RABL3: variants seen among roughly 807,000 people sequenced by gnomAD.
The protein encoded by RABL3 is RAB, member of RAS oncogene family like 3.
Under a neutral mutation model 31.8 loss-of-function variants are expected in RABL3, and 31 were observed. The ratio of observed to expected loss-of-function variants is 0.97; its 90% confidence interval spans 0.73 to 1.31. The LOEUF is 1.31. Ranked by LOEUF, RABL3 falls within the 40% of genes most tolerant of loss-of-function variation. The probability of loss-of-function intolerance (pLI) is 0.00; values close to 1 mark genes in which losing one functional copy is unlikely to be tolerated. For missense variants in RABL3, 263 were observed against 279.6 expected (o/e 0.94, Z 0.42); for synonymous variants, 97 against 99.9 (o/e 0.97, Z 0.18).
At chr3:120,712,650 C>T (rs1442369980) in intron 2 of RABL3, among the ~76,000 whole-genome samples, 2 of 152,156 alleles carry the variant, frequency 1.3e-5, no homozygotes, top group East Asian at 1.9e-4. Context: ...TCTTATTTAT[C>T]TACTGATATC....
At chr3:120,697,809 C>T (rs963336406) in intron 5 of RABL3, among the ~76,000 whole-genome samples, 2 of 152,078 alleles carry the variant, frequency 1.3e-5, no homozygotes, top group Admixed American at 1.3e-4. Context: ...GAATAATATG[C>T]TTATAGTGCC....
chr3:120,695,517 A>G (rs1708427195), intron 5 of RABL3, among the ~76,000 whole-genome samples: 1 of 152,192 alleles, frequency 6.6e-6, no homozygotes, highest in East Asian at 1.9e-4. Flanking sequence ...ATACCTGGAC[A>G]TACTGGGTAG....
At chr3:120,703,780 A>G (rs1281122386) in intron 4 of RABL3, among the ~76,000 whole-genome samples, 1 of 152,138 alleles carries the variant, frequency 6.6e-6, no homozygotes, top group Non-Finnish European at 1.5e-5. Context: ...ACTATAAACA[A>G]CTCTATTGAT....
chr3:120,733,664 T>C (rs1195477322), intron 1 of RABL3, among the ~76,000 whole-genome samples: 1 of 152,230 alleles, frequency 6.6e-6, no homozygotes, highest in Non-Finnish European at 1.5e-5. Flanking sequence ...GCCTAGGTTT[T>C]CTTCTAGGGT....
At chr3:120,729,977 CAA>C (rs1559822476) in intron 2 of RABL3, among the ~76,000 whole-genome samples, 1 of 151,164 alleles carries the variant, frequency 6.6e-6, no homozygotes, top group Non-Finnish European at 1.5e-5. Flanking sequence ...AAAAAAAACA[CAA>C]AAAATATTTT....
Position 120,723,172 on chromosome 3 carries a change from G to C in RABL3, c.138+7524C>G, listed in dbSNP as rs562262664. On this transcript the variant is annotated intron_variant, in intron 2 of 7. Coordinates refer to ENST00000273375, the MANE Select transcript of RABL3 (RefSeq NM_173825.5). ...CCATCGGAGAATACTAAAAACACCT[G>C]TACGCAAATAAACTAGAAAATCTAG... Among the ~76,000 whole-genome samples the C allele has an allele frequency of 9.3e-4, 140 of 150,480 alleles. 1 individual carries two copies. The highest frequency in any genetic ancestry group is 3.4e-3 in the Middle Eastern group (1 of 294).
Position 120,709,833 on chromosome 3 carries a change from C to A in RABL3, c.215G>T (p.Gly72Val). Residue 72 changes from glycine to valine, a missense_variant, in exon 3 of 8, where the codon GGC becomes GTC. Coordinates refer to ENST00000273375, the MANE Select transcript of RABL3 (RefSeq NM_173825.5). Reference sequence around the variant, plus strand: ...TGTGCTTTTCACGCTGCTGGCACTGCCCACAGAGCCTCCAACATCCCATAA... The same window carrying A: ...TGTGCTTTTCACGCTGCTGGCACTGACCACAGAGCCTCCAACATCCCATAA... ...IELWDVGGSV[G>V]SASSVKSTRA... 2.5e-6 allele frequency: 4 copies of A among 1,611,822 alleles called. No individual in the cohort carries two copies. The highest frequency in any genetic ancestry group is 3.4e-6 in the Non-Finnish European group (4 of 1,178,078).
intron 6 of RABL3, among the ~76,000 whole-genome samples, chr3:120,691,920 A>C (rs1240122668): frequency 6.6e-6 from 1 of 152,230 alleles, no homozygotes; most frequent in East Asian, 1.9e-4. Flanking sequence ...CTGGTGCGAC[A>C]GCCATTCATC....
At chr3:120,730,661 C>A (rs1468117887) in intron 2 of RABL3, 35 bp downstream of exon 2, 10 of 1,356,168 alleles carry the variant, frequency 7.4e-6, no homozygotes, top group Non-Finnish European at 1.1e-5. Flanking sequence ...ATCTTTAGTA[C>A]ATTATTGAAA....
At chr3:120,703,471 C>T (rs1243329179) in intron 4 of RABL3, among the ~76,000 whole-genome samples, 2 of 151,848 alleles carry the variant, frequency 1.3e-5, no homozygotes, top group Non-Finnish European at 2.9e-5. Flanking sequence ...CATTAAAATA[C>T]TTGTATTGGC....
intron 2 of RABL3, among the ~76,000 whole-genome samples, chr3:120,721,796 A>T (rs1249852627): frequency 6.6e-6 from 1 of 152,240 alleles, no homozygotes; most frequent in Non-Finnish European, 1.5e-5. Context: ...AAGGATATCC[A>T]GGAATTGAAC....
intron 4 of RABL3, among the ~76,000 whole-genome samples, chr3:120,703,992 C>G (rs904390268): frequency 4.6e-5 from 7 of 152,244 alleles, no homozygotes; most frequent in Admixed American, 4.6e-4. Context: ...GAAGAAATAA[C>G]ACCAAATATA....
chr3:120,719,311 G>A (rs1708707654), intron 2 of RABL3, among the ~76,000 whole-genome samples: 1 of 152,200 alleles, frequency 6.6e-6, no homozygotes, highest in South Asian at 2.1e-4. Context: ...TTCCAACTGA[G>A]GTACTGGGTT....
chr3:120,705,075 A>T (rs566194770), intron 4 of RABL3, among the ~76,000 whole-genome samples: 1 of 151,800 alleles, frequency 6.6e-6, no homozygotes, highest in Non-Finnish European at 1.5e-5. Context: ...CTTAAAAAAT[A>T]TTAAATATTT....
intron 1 of RABL3, among the ~76,000 whole-genome samples, chr3:120,737,488 G>A (rs943273938): frequency 6.6e-6 from 1 of 152,230 alleles, no homozygotes; most frequent in Admixed American, 6.5e-5. Flanking sequence ...TTAGCTCGGA[G>A]AAGTTTGATC....
At chr3:120,702,804 G>A (rs974227389) in intron 4 of RABL3, among the ~76,000 whole-genome samples, 30 of 152,048 alleles carry the variant, frequency 2.0e-4, no homozygotes, top group Non-Finnish European at 2.9e-4. Context: ...TGATCCGCCC[G>A]CCTTGGCCTC....
Position 120,698,482 on chromosome 3 carries a change from C to T in RABL3, c.475G>A (p.Glu159Lys). The T allele has an allele frequency of 9.3e-6, 15 of 1,614,044 alleles. No individual in the cohort carries two copies. The highest frequency in any genetic ancestry group is 1.3e-5 in the Non-Finnish European group (15 of 1,179,936). Residue 159 changes from glutamate to lysine, a missense_variant, in exon 5 of 8, where the codon GAA becomes AAA. Coordinates refer to ENST00000273375, the MANE Select transcript of RABL3 (RefSeq NM_173825.5). ...AGGAAAGCAGTCCTAGTTAAAACTT[C>T]ATGGCGCTTTGTTTCATGAATCTGG... The part of the protein sequence containing the change: ...LDQIHETKRH[E>K]VLTRTAFLAE...
At chr3:120,699,734 T>C (rs890634452) in intron 4 of RABL3, among the ~76,000 whole-genome samples, 11 of 152,154 alleles carry the variant, frequency 7.2e-5, no homozygotes, top group Admixed American at 2.0e-4. Flanking sequence ...CTCAGCAAAC[T>C]GTTCAGCCTC....
rs374434992 is a variant in RABL3, at chr3:120,736,629, A to G, written c.46+5833T>C. ...GTTGATGCAGTTTCTTCCTAGCCTC[A>G]ATGGTCTTTACAATTTGGCATGTTT... On this transcript the variant is annotated intron_variant, in intron 1 of 7. Coordinates refer to ENST00000273375, the MANE Select transcript of RABL3 (RefSeq NM_173825.5). Among the ~76,000 whole-genome samples, 12 of 152,252 alleles carry G rather than the reference A, an allele frequency of 7.9e-5. No homozygotes were observed. In the South Asian group the frequency reaches 1.5e-3, roughly 18 times the overall value.
Sources: gnomAD v4.1 joint callset for allele counts (sites outside exome capture counted in the v4.1 genomes callset) on GRCh38, gnomAD v4.1.1 for gene constraint, MANE v1.5 for transcripts, NCBI Gene and HGNC (gene_info 2026-07-23, HGNC 2026-07-21) for gene names.